Variants in PABPC1L observed in about 807,000 individuals in gnomAD.
The protein encoded by PABPC1L is polyadenylate-binding protein 1-like.
A neutral mutation model predicts 66.6 loss-of-function variants in PABPC1L; 31 were observed. The observed-to-expected ratio is 0.47, with a 90% confidence interval of 0.35 to 0.63. PABPC1L has a LOEUF of 0.63. PABPC1L is among the 20% of genes least tolerant of loss of function. The probability of loss-of-function intolerance (pLI) is 0.00; values close to 1 mark genes in which losing one functional copy is unlikely to be tolerated. For missense variants in PABPC1L, 722 were observed against 848.8 expected, an observed-to-expected ratio of 0.85 and a Z score of 1.86; for synonymous variants, 348 against 335.1, an observed-to-expected ratio of 1.04 and a Z score of -0.42.
chr20:44,927,303 T>C (rs1314900383), intron 7 of PABPC1L, among the ~76,000 whole-genome samples: 1 of 152,120 alleles, frequency 6.6e-6, no homozygotes, highest in Non-Finnish European at 1.5e-5. Context: ...TGCTAAATTT[T>C]ATCATTATTA....
intron 3 of PABPC1L, among the ~76,000 whole-genome samples, chr20:44,917,616 A>G (rs1346424600): frequency 1.3e-5 from 2 of 152,140 alleles, no homozygotes; most frequent in African/African-American, 4.8e-5. Flanking sequence ...CACTACACAG[A>G]TGGGAAAACT....
At chr20:44,935,359 C>A (rs1487346773) in intron 10 of PABPC1L, 32 bp from the exon 11 acceptor site, 1 of 1,556,162 alleles carries the variant, frequency 6.4e-7, no homozygotes, top group African/African-American at 1.4e-5. Flanking sequence ...TTGAACTCTG[C>A]TTTTTTTGTT....
At chr20:44,930,088 C>T (rs191562517) in intron 7 of PABPC1L, among the ~76,000 whole-genome samples, 2 of 152,086 alleles carry the variant, frequency 1.3e-5, no homozygotes, top group African/African-American at 2.4e-5. Flanking sequence ...CGATGCCTCC[C>T]GCATCGGGAG....
chr20:44,938,396 T>C (rs980520766), intron 13 of PABPC1L, among the ~76,000 whole-genome samples: 1 of 152,148 alleles, frequency 6.6e-6, no homozygotes, highest in Admixed American at 6.5e-5. Context: ...ACTAATTCTG[T>C]GTTGTTCTGT....
chr20:44,920,547 C>T (rs1157703484), intron 5 of PABPC1L, among the ~76,000 whole-genome samples: 3 of 152,130 alleles, frequency 2.0e-5, no homozygotes, highest in African/African-American at 7.2e-5. Context: ...CGGCTCATTG[C>T]AACCTCCGCC....
intron 5 of PABPC1L, 125 bp from the exon 6 acceptor site, chr20:44,921,469 A>G: frequency 7.3e-7 from 1 of 1,362,762 alleles, no homozygotes; most frequent in Non-Finnish European, 1.0e-6. Flanking sequence ...TTGTCCTGGT[A>G]CTGATTATTC....
intron 2 of PABPC1L, among the ~76,000 whole-genome samples, chr20:44,915,141 A>G (rs947084359): frequency 1.3e-5 from 2 of 152,246 alleles, no homozygotes; most frequent in African/African-American, 4.8e-5. Flanking sequence ...CTGTTGTGCA[A>G]CACCCACTGG....
chr20:44,918,776 T>C, intron 3 of PABPC1L, 130 bp from the exon 4 acceptor site: 1 of 1,113,022 alleles, frequency 9.0e-7, no homozygotes. Flanking sequence ...TAAGGAGTAT[T>C]GTCCTGCCCA....
rs1220237478 is a variant in PABPC1L at position 44,938,530 on chromosome 20, A to C, written c.1792-144A>C. 1.4e-5 allele frequency: 13 copies of C among 906,078 alleles called. No individual in the cohort carries two copies. The East Asian group carries it at 3.4e-4, about 24-fold the overall frequency. The allele number at this position is 906,078 out of a possible 1,614,324, so 56.1% of individuals were successfully genotyped here. On this transcript the variant is annotated intron_variant, in intron 13 of 14. Coordinates refer to ENST00000217073, the MANE Select transcript of PABPC1L (RefSeq NM_001372179.1). ...GACAGGGCCATGGGATCTTGCAAGC[A>C]GTGGTGGATGGGAGGGTTCCACAGA...
At chr20:44,913,176 C>T (rs994288215) in intron 2 of PABPC1L, among the ~76,000 whole-genome samples, 23 of 152,172 alleles carry the variant, frequency 1.5e-4, no homozygotes, top group African/African-American at 5.3e-4. Context: ...TGGCTGGGTT[C>T]CCTCCTATGC....
chr20:44,921,873 C>T (rs773267952), intron 6 of PABPC1L, 142 bp downstream of exon 6: 43 of 1,241,084 alleles, frequency 3.5e-5, no homozygotes, highest in Non-Finnish European at 4.8e-5. Flanking sequence ...ATGGGATGGC[C>T]CCCACTGCCT....
At chr20:44,929,818 G>A (rs2066837719) in intron 7 of PABPC1L, among the ~76,000 whole-genome samples, 1 of 150,742 alleles carries the variant, frequency 6.6e-6, no homozygotes, top group South Asian at 2.1e-4. Flanking sequence ...AAGATATATA[G>A]CAACCCTCTG....
In PABPC1L at chr20:44,923,589, A is replaced by G. The variant is rs1260033688; in HGVS notation, c.877-572A>G. Reference sequence around the variant, plus strand: ...GGTTGCACTGAGCCGAGATTGCACCATTGCACTCCAGCCTAGGCAACAAGA... The same window carrying G: ...GGTTGCACTGAGCCGAGATTGCACCGTTGCACTCCAGCCTAGGCAACAAGA... On this transcript the variant is annotated intron_variant, in intron 6 of 14. Transcript: ENST00000217073. Among the ~76,000 whole-genome samples the G allele has an allele frequency of 2.0e-5, 3 of 151,914 alleles. No homozygotes were observed. The East Asian group carries it at 5.8e-4, about 29-fold the overall frequency.
Position 44,930,555 on chromosome 20 carries a change from C to T in PABPC1L, c.1068C>T (p.Arg356=), listed in dbSNP as rs373194491. ...ATKAVTEMNG[R]IVGTKPLYVA... is the part of the protein sequence containing the mutation. ...AGGCCGTGACAGAGATGAACGGGCG[C>T]ATCGTGGGCACCAAGCCACTCTACG... The change falls in exon 8 of 15, where the codon CGC becomes CGT. Residue 356 remains arginine (R), a synonymous_variant. Transcript: ENST00000217073. 2.5e-6 allele frequency: 4 copies of T among 1,614,152 alleles called. No homozygotes were observed. Among genetic ancestry groups the T allele is most frequent in the Non-Finnish European group, 3.4e-6 (4 of 1,180,048 alleles).
chr20:44,928,879 AAAAAAAG>A (rs2066829772), intron 7 of PABPC1L, among the ~76,000 whole-genome samples: 1 of 150,094 alleles, frequency 6.7e-6, no homozygotes, highest in Non-Finnish European at 1.5e-5. Flanking sequence ...AAAAAAAAAA[AAAAAAAG>A]AAAAAAAAAA....
intron 1 of PABPC1L, 148 bp from the exon 2 acceptor site, chr20:44,912,512 T>C: frequency 1.5e-6 from 1 of 654,504 alleles, no homozygotes; most frequent in Non-Finnish European, 2.5e-6. Flanking sequence ...TTATCTCAGT[T>C]ATTTGGGCTC....
At chr20:44,929,809 AG>A (rs1442651345) in intron 7 of PABPC1L, among the ~76,000 whole-genome samples, 1 of 151,480 alleles carries the variant, frequency 6.6e-6, no homozygotes, top group Non-Finnish European at 1.5e-5. Flanking sequence ...AAAAAAAAAA[AG>A]ATATATAGCA....
chr20:44,936,152 CAG>C (rs1382888711), intron 11 of PABPC1L, among the ~76,000 whole-genome samples: 4 of 151,910 alleles, frequency 2.6e-5, no homozygotes, highest in Admixed American at 1.3e-4. Flanking sequence ...TTTGTAGTGA[CAG>C]GGGTCTCATT....
intron 5 of PABPC1L, among the ~76,000 whole-genome samples, chr20:44,921,365 C>G (rs866520265): frequency 6.6e-5 from 10 of 151,984 alleles, no homozygotes; most frequent in Non-Finnish European, 2.9e-5. Context: ...TCAGGCTGGT[C>G]TCGAATTCCT....
Sources: gnomAD v4.1 joint callset for allele counts (sites outside exome capture counted in the v4.1 genomes callset) on GRCh38, gnomAD v4.1.1 for gene constraint, MANE v1.5 for transcripts, NCBI Gene and HGNC (gene_info 2026-07-23, HGNC 2026-07-21) for gene names.